The following LIN52 variants were observed in gnomAD, a reference collection of about 807,000 sequenced individuals.
The protein encoded by LIN52 is protein lin-52 homolog.
In LIN52, 4 loss-of-function variants were observed where a neutral mutation model predicts 18.5. That is an observed-to-expected ratio of 0.22 (90% confidence interval 0.11 to 0.49). The LOEUF (loss-of-function observed/expected upper bound fraction) is 0.49, where lower values mean the gene tolerates loss of function less well. Ranked by LOEUF, LIN52 falls within the 20% of genes least tolerant of loss-of-function variation. The pLI, the probability that LIN52 is intolerant of heterozygous loss-of-function variation, is 0.97. For missense variants in LIN52, 102 were observed against 139.5 expected (o/e 0.73, Z 1.35); for synonymous variants, 34 against 45.5 (o/e 0.75, Z 1.02).
At chr14:74,129,124 A>C (rs898419733) in intron 5 of LIN52, among the ~76,000 whole-genome samples, 2 of 152,146 alleles carry the variant, frequency 1.3e-5, no homozygotes, top group Non-Finnish European at 2.9e-5. Flanking sequence ...GGCAGTTTGA[A>C]ATGGAGTGAG....
chr14:74,093,733 A>T (rs2060788736), intron 2 of LIN52, among the ~76,000 whole-genome samples: 1 of 152,192 alleles, frequency 6.6e-6, no homozygotes, highest in Non-Finnish European at 1.5e-5. Flanking sequence ...TGAGAGGCCG[A>T]GGTGGGCGGA....
At chr14:74,156,222 T>C (rs1050621760) in intron 5 of LIN52, among the ~76,000 whole-genome samples, 11 of 152,244 alleles carry the variant, frequency 7.2e-5, no homozygotes, top group African/African-American at 2.7e-4. Flanking sequence ...TTACAGATCA[T>C]AATACTCCTT....
intron 5 of LIN52, among the ~76,000 whole-genome samples, chr14:74,190,956 A>G (rs1412498050): frequency 6.6e-6 from 1 of 152,230 alleles, no homozygotes; most frequent in African/African-American, 2.4e-5. Flanking sequence ...TGCTCTTGAC[A>G]GTGACTCCAG....
intron 5 of LIN52, among the ~76,000 whole-genome samples, chr14:74,102,950 C>T (rs554796960): frequency 6.6e-6 from 1 of 152,272 alleles, no homozygotes; most frequent in Admixed American, 6.5e-5. Context: ...AACATATAGC[C>T]AATCTTGTTT....
At chr14:74,115,604 G>A (rs1177153870) in intron 5 of LIN52, among the ~76,000 whole-genome samples, 1 of 152,130 alleles carries the variant, frequency 6.6e-6, no homozygotes, top group African/African-American at 2.4e-5. Flanking sequence ...TAAAATCTAG[G>A]AACTCCACTT....
At chr14:74,086,448 T>C (rs1595140583) in intron 1 of LIN52, among the ~76,000 whole-genome samples, 1 of 152,000 alleles carries the variant, frequency 6.6e-6, no homozygotes, top group Non-Finnish European at 1.5e-5. Context: ...AGCTCAGGAA[T>C]TGAAGACCAG....
chr14:74,100,387 A>G (rs1191724020), intron 4 of LIN52, among the ~76,000 whole-genome samples: 2 of 152,172 alleles, frequency 1.3e-5, no homozygotes, highest in Admixed American at 6.5e-5. Flanking sequence ...GGCTCACTAC[A>G]GCCTTGACCT....
At chr14:74,124,174 T>C (rs2061015041) in intron 5 of LIN52, among the ~76,000 whole-genome samples, 1 of 152,070 alleles carries the variant, frequency 6.6e-6, no homozygotes, top group African/African-American at 2.4e-5. Context: ...ACAAAATAAA[T>C]AGACTAACCA....
intron 5 of LIN52, among the ~76,000 whole-genome samples, chr14:74,137,498 C>CTCTTTTTTTTTTTTTTTTTT (rs776969152): frequency 1.8e-5 from 2 of 111,624 alleles, no homozygotes; most frequent in East Asian, 3.9e-4. Context: ...CAGCAGCTCT[C>CTCTTTTTTTTTTTTTTTTTT]TTTTTTTTTT....
intron 5 of LIN52, among the ~76,000 whole-genome samples, chr14:74,153,387 T>G (rs552215599): frequency 1.3e-5 from 2 of 152,284 alleles, no homozygotes; most frequent in East Asian, 1.9e-4. Flanking sequence ...TGGGGTTATC[T>G]TCTAGAGAAT....
chr14:74,127,765 T>G (rs1262618357), intron 5 of LIN52, among the ~76,000 whole-genome samples: 2 of 151,994 alleles, frequency 1.3e-5, no homozygotes, highest in Non-Finnish European at 2.9e-5. Context: ...TTTTTTGAGA[T>G]GGGGTCTTGC....
At chr14:74,145,498 A>G (rs1004468459) in intron 5 of LIN52, among the ~76,000 whole-genome samples, 1 of 152,240 alleles carries the variant, frequency 6.6e-6, no homozygotes, top group African/African-American at 2.4e-5. Context: ...ATCCTTACAT[A>G]ATCAAGGATG....
intron 5 of LIN52, among the ~76,000 whole-genome samples, chr14:74,121,555 A>G (rs1166853674): frequency 6.6e-6 from 1 of 152,210 alleles, no homozygotes; most frequent in Non-Finnish European, 1.5e-5. Context: ...ATAGTTAAAG[A>G]AAATAGTTAA....
chr14:74,123,907 A>G (rs1361042214), intron 5 of LIN52, among the ~76,000 whole-genome samples: 6 of 152,202 alleles, frequency 3.9e-5, no homozygotes, highest in Admixed American at 6.5e-5. Context: ...GACTTGATAA[A>G]TAACCTCTCT....
chr14:74,103,733 G>GTTTTTT (rs573188668), intron 5 of LIN52, among the ~76,000 whole-genome samples: 1 of 46,024 alleles, frequency 2.2e-5, no homozygotes, highest in Non-Finnish European at 4.0e-5. Context: ...GGCCTGGCCA[G>GTTTTTT]TTTTTTTTTT....
intron 4 of LIN52, 55 bp downstream of exon 4, chr14:74,097,915 A>C: frequency 2.3e-6 from 3 of 1,298,774 alleles, no homozygotes; most frequent in Admixed American, 2.0e-5. Flanking sequence ...TCCATAGACC[A>C]CCTCTCTATT....
intron 5 of LIN52, among the ~76,000 whole-genome samples, chr14:74,191,698 A>G (rs939864866): frequency 1.3e-5 from 2 of 150,924 alleles, no homozygotes; most frequent in South Asian, 4.2e-4. Context: ...CAGTGGTGCA[A>G]TCTCGACTCA....
intron 5 of LIN52, among the ~76,000 whole-genome samples, chr14:74,135,977 G>A (rs1279255155): frequency 1.3e-5 from 2 of 152,146 alleles, no homozygotes; most frequent in East Asian, 1.9e-4. Context: ...TATTGAGATA[G>A]TTTTCTCCTT....
At chr14:74,163,949 A>C (rs1030185550) in intron 5 of LIN52, among the ~76,000 whole-genome samples, 1 of 152,036 alleles carries the variant, frequency 6.6e-6, no homozygotes, top group African/African-American at 2.4e-5. Context: ...CAACCGGTGG[A>C]TACTAGACCA....
Sources: gnomAD v4.1 joint callset for allele counts (sites outside exome capture counted in the v4.1 genomes callset) on GRCh38, gnomAD v4.1.1 for gene constraint, MANE v1.5 for transcripts, NCBI Gene and HGNC (gene_info 2026-07-23, HGNC 2026-07-21) for gene names.